The following MECOM variants were observed in gnomAD, a reference collection of about 807,000 sequenced individuals.
MECOM encodes histone-lysine N-methyltransferase MECOM.
In MECOM, 13 loss-of-function variants were observed where a neutral mutation model predicts 116.3. That is an observed-to-expected ratio of 0.11 (90% confidence interval 0.07 to 0.18). The LOEUF is 0.18. Ranked by LOEUF, MECOM falls within the 10% of genes least tolerant of loss-of-function variation. The probability of loss-of-function intolerance (pLI) is 1.00; values close to 1 mark genes in which losing one functional copy is unlikely to be tolerated. For missense variants in MECOM, 1,299 were observed against 1,509.0 expected (o/e 0.86, Z 2.31); for synonymous variants, 528 against 535.2 (o/e 0.99, Z 0.19).
chr3:169,144,631 A>G (rs1739178676), intron 2 of MECOM, among the ~76,000 whole-genome samples: 1 of 152,192 alleles, frequency 6.6e-6, no homozygotes, highest in Non-Finnish European at 1.5e-5. Context: ...ACACTAAACA[A>G]AAATTGAAGA....
At chr3:169,487,582 G>A (rs1390626998) in intron 1 of MECOM, among the ~76,000 whole-genome samples, 1 of 151,914 alleles carries the variant, frequency 6.6e-6, no homozygotes, top group Admixed American at 6.6e-5. Flanking sequence ...CAGGAAGCAG[G>A]AAAGGAGAAA....
chr3:169,130,288 T>A (rs1177972568), intron 4 of MECOM, among the ~76,000 whole-genome samples: 2 of 152,184 alleles, frequency 1.3e-5, no homozygotes, highest in Non-Finnish European at 2.9e-5. Flanking sequence ...AAAGCCCAGA[T>A]TGCAGTTCTT....
At chr3:169,545,790 A>G (rs1326607990) in intron 1 of MECOM, among the ~76,000 whole-genome samples, 2 of 152,098 alleles carry the variant, frequency 1.3e-5, no homozygotes, top group East Asian at 3.9e-4. Flanking sequence ...CTTCCCTGAC[A>G]TGAATCTCTG....
intron 1 of MECOM, among the ~76,000 whole-genome samples, chr3:169,416,174 T>C (rs948660837): frequency 2.6e-5 from 4 of 151,974 alleles, no homozygotes; most frequent in African/African-American, 9.7e-5. Context: ...TAACAAACAG[T>C]CTCTCCAACC....
intron 1 of MECOM, among the ~76,000 whole-genome samples, chr3:169,413,212 A>G (rs1737863424): frequency 2.6e-5 from 4 of 152,222 alleles, no homozygotes; most frequent in Admixed American, 2.6e-4. Context: ...GGGCGAGCCG[A>G]AGCAGGGTGA....
intron 1 of MECOM, among the ~76,000 whole-genome samples, chr3:169,470,862 G>A (rs970148913): frequency 1.3e-5 from 2 of 152,148 alleles, no homozygotes; most frequent in Admixed American, 1.3e-4. Flanking sequence ...GATTCAAATA[G>A]CTAGAGGAGG....
rs117678926 is a variant in MECOM at position 169,249,943 on chromosome 3, G to A, written c.376-106111C>T. Among the ~76,000 whole-genome samples, 122 of 152,310 alleles carry A rather than the reference G, an allele frequency of 8.0e-4. 3 individuals are homozygous for A. The East Asian group carries it at 0.023, about 28-fold the overall frequency. On this transcript the variant is annotated intron_variant, in intron 2 of 16. Transcript: ENST00000651503. ...GAATCTTTTTTAAATACAAGGAAAC[G>A]TTGTGAGCAGACATCTCATTTTTAT... is the stretch of plus-strand genomic sequence containing the variant.
chr3:169,362,939 G>A (rs1167906101), intron 2 of MECOM, among the ~76,000 whole-genome samples: 3 of 151,820 alleles, frequency 2.0e-5, no homozygotes, highest in Non-Finnish European at 2.9e-5. Flanking sequence ...ACTATTTAGT[G>A]TTCCTATTTT....
intron 2 of MECOM, among the ~76,000 whole-genome samples, chr3:169,376,297 C>T (rs1006024500): frequency 6.6e-6 from 1 of 152,182 alleles, no homozygotes; most frequent in Non-Finnish European, 1.5e-5. Flanking sequence ...CTCACCACTC[C>T]TATTCAACAT....
chr3:169,587,766 A>C lies in MECOM; in HGVS notation c.37+75570T>G, dbSNP rs191210462. Among the ~76,000 whole-genome samples the C allele has an allele frequency of 3.0e-3, 454 of 152,274 alleles. 1 individual carries two copies. Among genetic ancestry groups the C allele is most frequent in the Non-Finnish European group, 5.1e-3 (350 of 68,014 alleles). ...GTTACATTGTACACTGTCATAGCCT[A>C]ATGCTTCATGGAACAAAGAGTTTCC... On this transcript the variant is annotated intron_variant, in intron 1 of 16. Transcript: ENST00000651503.
intron 2 of MECOM, among the ~76,000 whole-genome samples, chr3:169,349,921 G>A (rs17685979): frequency 0.043 from 6,507 of 151,626 alleles, 164 homozygotes; most frequent in Non-Finnish European, 0.059. Context: ...TTCCTGTTTG[G>A]GGCTGAGAGA....
At chr3:169,362,046 T>C (rs770091204) in intron 2 of MECOM, among the ~76,000 whole-genome samples, 5 of 151,930 alleles carry the variant, frequency 3.3e-5, no homozygotes, top group South Asian at 2.1e-4. Context: ...AACTAGACAC[T>C]AGTTTCACAC....
chr3:169,519,236 T>G (rs1485668843), intron 1 of MECOM, among the ~76,000 whole-genome samples: 1 of 152,216 alleles, frequency 6.6e-6, no homozygotes, highest in Non-Finnish European at 1.5e-5. Context: ...TATAGAATCA[T>G]ATTATATTGG....
At chr3:169,264,824 C>T (rs1166853076) in intron 2 of MECOM, among the ~76,000 whole-genome samples, 1 of 152,052 alleles carries the variant, frequency 6.6e-6, no homozygotes, top group Non-Finnish European at 1.5e-5. Context: ...AGAGACCCAC[C>T]CTCATCCTGC....
At chr3:169,414,303 T>A (rs937475696) in intron 1 of MECOM, among the ~76,000 whole-genome samples, 5 of 151,576 alleles carry the variant, frequency 3.3e-5, no homozygotes, top group African/African-American at 1.2e-4. Flanking sequence ...GGAGCCTGAC[T>A]GTTAGAAGAA....
At chr3:169,354,883 A>T (rs1726992252) in intron 2 of MECOM, among the ~76,000 whole-genome samples, 1 of 151,864 alleles carries the variant, frequency 6.6e-6, no homozygotes, top group Non-Finnish European at 1.5e-5. Context: ...GACCCCTTAG[A>T]GTGCCCACCT....
intron 2 of MECOM, among the ~76,000 whole-genome samples, chr3:169,223,601 C>T (rs961275864): frequency 8.6e-5 from 13 of 152,006 alleles, no homozygotes; most frequent in African/African-American, 3.1e-4. Context: ...GAAATTAGAA[C>T]TCATTTCTTG....
At chr3:169,282,692 A>G (rs1411651378) in intron 2 of MECOM, among the ~76,000 whole-genome samples, 1 of 152,186 alleles carries the variant, frequency 6.6e-6, no homozygotes, top group African/African-American at 2.4e-5. Context: ...AATGTAATCT[A>G]GAGCTGTAGT....
At chr3:169,563,837 A>C (rs1484428409) in intron 1 of MECOM, among the ~76,000 whole-genome samples, 3 of 152,150 alleles carry the variant, frequency 2.0e-5, no homozygotes, top group Non-Finnish European at 4.4e-5. Flanking sequence ...CACCAGAATT[A>C]CTCACAGTTA....
Sources: gnomAD v4.1 joint callset for allele counts (sites outside exome capture counted in the v4.1 genomes callset) on GRCh38, gnomAD v4.1.1 for gene constraint, MANE v1.5 for transcripts, NCBI Gene and HGNC (gene_info 2026-07-23, HGNC 2026-07-21) for gene names.